The following CSNK2A1 variants were observed in gnomAD, a reference collection of about 807,000 sequenced individuals.
CSNK2A1 encodes casein kinase II subunit alpha.
In CSNK2A1, 10 loss-of-function variants were observed where a neutral mutation model predicts 62.9. The ratio of observed to expected loss-of-function variants is 0.16; its 90% CI spans 0.10 to 0.27. CSNK2A1 has a LOEUF of 0.27. CSNK2A1 is among the 10% of genes least tolerant of loss of function. CSNK2A1 has a pLI of 1.00. For missense variants in CSNK2A1, 160 were observed against 492.0 expected (o/e 0.33, Z 6.38); for synonymous variants, 124 against 167.8 (o/e 0.74, Z 2.02).
chr20:476,515 C>A lies in CSNK2A1; in HGVS notation c.*7446G>T, dbSNP rs111270834. On this transcript the variant is annotated 3_prime_UTR_variant, in exon 14 of 14. Transcript: ENST00000217244. Reference sequence around the variant, plus strand: ...CCTCAGGTGATCCACTCGCCTTGGTCTCCCAAAGTGTTGGATTACAGGCGT... The same window carrying A: ...CCTCAGGTGATCCACTCGCCTTGGTATCCCAAAGTGTTGGATTACAGGCGT... 10,502 of 152,268 alleles carry A rather than the reference C, an allele frequency of 0.069. 391 individuals are homozygous for A. The highest frequency in any genetic ancestry group is 0.13 in the South Asian group (649 of 4,828). 9.4% of individuals were successfully genotyped at this position (152,268 alleles called of 1,614,324 possible).
chr20:505,322 AAGAAG>A, intron 3 of CSNK2A1, 93 bp from the exon 4 acceptor site: 1 of 884,264 alleles, frequency 1.1e-6, no homozygotes, highest in Non-Finnish European at 1.7e-6. Flanking sequence ...TAATAGAAAT[AAGAAG>A]TATTTCAAAC....
chr20:503,698 G>A (rs2018515879), intron 4 of CSNK2A1: 8 of 398,466 alleles, frequency 2.0e-5, no homozygotes, highest in Non-Finnish European at 2.7e-5. Context: ...AGCAAGTACT[G>A]CACAAAAATC....
intron 8 of CSNK2A1, among the ~76,000 whole-genome samples, chr20:493,953 CATA>C (rs1432665609): frequency 1.3e-5 from 2 of 151,662 alleles, no homozygotes; most frequent in South Asian, 2.1e-4. Context: ...AATACTACTT[CATA>C]ATAATATTAT....
intron 3 of CSNK2A1, chr20:506,901 A>G (rs1486719715): frequency 6.6e-6 from 1 of 152,212 alleles, no homozygotes; most frequent in Admixed American, 6.5e-5. Context: ...CAAAGCACTC[A>G]ATTTGAAGAT....
At chr20:527,699 CTTTGA>C (rs1600410918) in intron 2 of CSNK2A1, among the ~76,000 whole-genome samples, 2 of 151,502 alleles carry the variant, frequency 1.3e-5, no homozygotes, top group East Asian at 4.0e-4. Context: ...AGTACTTGGA[CTTTGA>C]TTTATTTCTC....
Position 481,333 on chromosome 20 carries a change from G to A in CSNK2A1, c.*2628C>T, listed in dbSNP as rs946516662. On this transcript the variant is annotated 3_prime_UTR_variant, in exon 14 of 14. Transcript: ENST00000217244. ...CTTTAAAAAATCTTTCAGAGTAATTGCCAACATAACCTTTCATGTTGGCCA... is the reference window on the plus strand; with the variant it reads ...CTTTAAAAAATCTTTCAGAGTAATTACCAACATAACCTTTCATGTTGGCCA... 4 of 152,008 alleles carry A rather than the reference G, an allele frequency of 2.6e-5. No homozygotes were observed. Among genetic ancestry groups the A allele is most frequent in the African/African-American group, 9.7e-5 (4 of 41,394 alleles). The allele number at this position is 152,008 out of a possible 1,614,324, so 9.4% of individuals were successfully genotyped here.
chr20:487,721 C>T (rs1029523893), intron 11 of CSNK2A1, 146 bp from the exon 12 acceptor site: 1 of 1,068,146 alleles, frequency 9.4e-7, no homozygotes, highest in African/African-American at 1.6e-5. Flanking sequence ...CACCGCTCTG[C>T]CACTGAGTGG....
intron 2 of CSNK2A1, among the ~76,000 whole-genome samples, chr20:522,221 C>A (rs1470874298): frequency 6.6e-6 from 1 of 152,202 alleles, no homozygotes; most frequent in Non-Finnish European, 1.5e-5. Flanking sequence ...AAATTTCTCC[C>A]TTTCCATGCT....
intron 13 of CSNK2A1, 50 bp downstream of exon 13, chr20:486,326 C>T: frequency 1.2e-6 from 2 of 1,604,554 alleles, no homozygotes; most frequent in Non-Finnish European, 1.7e-6. Flanking sequence ...AAGCTAAGAA[C>T]AGTAATTGAC....
intron 1 of CSNK2A1, among the ~76,000 whole-genome samples, chr20:534,311 A>G (rs914122165): frequency 2.0e-5 from 3 of 152,238 alleles, no homozygotes; most frequent in East Asian, 1.9e-4. Flanking sequence ...CCAAAACACT[A>G]TAATAAAATG....
rs761639837 is a variant in CSNK2A1, at chr20:481,350, T to C, written c.*2611A>G. 47 of 152,116 alleles carry C rather than the reference T, an allele frequency of 3.1e-4. No individual in the cohort carries two copies. Among genetic ancestry groups the C allele is most frequent in the Admixed American group, 1.8e-3 (28 of 15,272 alleles). The allele number at this position is 152,116 out of a possible 1,614,324, so 9.4% of individuals were successfully genotyped here. The stretch of plus-strand genomic sequence containing the variant: ...GAGTAATTGCCAACATAACCTTTCA[T>C]GTTGGCCATTCCATTTCCTGCCATC... On this transcript the variant is annotated 3_prime_UTR_variant, in exon 14 of 14. Transcript: ENST00000217244.
At chr20:488,852 A>T (rs1343502467) in intron 10 of CSNK2A1, 74 bp from the exon 11 acceptor site, 1 of 1,377,792 alleles carries the variant, frequency 7.3e-7, no homozygotes, top group East Asian at 2.3e-5. Flanking sequence ...ACAATGATTG[A>T]ATTTACATAA....
intron 2 of CSNK2A1, among the ~76,000 whole-genome samples, chr20:523,016 G>C (rs1251060966): frequency 2.0e-5 from 3 of 152,190 alleles, no homozygotes; most frequent in Non-Finnish European, 4.4e-5. Flanking sequence ...GTTATGGCAA[G>C]ATGTGAACAT....
At position 508,533 on chromosome 20, in the gene CSNK2A1, T is replaced by C; in HGVS notation, c.19A>G (p.Ser7Gly). Reference protein sequence around the residue: MSGPVPSRARVYTDVNT... With the variant: MSGPVPGRARVYTDVNT... ...ACATCTGTGTAAACTCTGGCCCTGC[T>C]TGGCACGGGTCCCGACATGTCAGAC... is the stretch of plus-strand genomic sequence containing the variant. Residue 7 changes from serine (S) to glycine (G), a missense_variant, in exon 3 of 14, where the codon AGC (serine) becomes GGC (glycine). Physicochemically the swap from Ser to Gly is moderately conservative, Grantham distance 56. Coordinates refer to ENST00000217244, the MANE Select transcript of CSNK2A1 (RefSeq NM_177559.3). The C allele has an allele frequency of 6.2e-7, 1 of 1,613,974 alleles. No homozygotes were observed. The highest frequency in any genetic ancestry group is 8.5e-7 in the Non-Finnish European group (1 of 1,179,922).
intron 1 of CSNK2A1, chr20:539,123 C>T (rs1049177550): frequency 6.6e-6 from 1 of 152,154 alleles, no homozygotes; most frequent in Non-Finnish European, 1.5e-5. Flanking sequence ...ATAAAACCAG[C>T]AAAACCCCTG....
chr20:486,492 GT>G, intron 12 of CSNK2A1, 30 bp from the exon 13 acceptor site: 1 of 1,610,634 alleles, frequency 6.2e-7, no homozygotes, highest in Middle Eastern at 1.7e-4. Context: ...GCTAGGTTCT[GT>G]TTTGCTTGAA....
chr20:543,757 C>G lies in CSNK2A1; in HGVS notation c.-312G>C, dbSNP rs952590113. 1 of 398,348 alleles carries G rather than the reference C, an allele frequency of 2.5e-6. No individual in the cohort carries two copies. Among genetic ancestry groups the G allele is most frequent in the Non-Finnish European group, 4.4e-6 (1 of 225,984 alleles). The allele number at this position is 398,348 out of a possible 1,614,324, so 24.7% of individuals were successfully genotyped here. ...CGGCGATGGAGGAGGAGACACACGG[C>G]TCGGCCGCCAGCCGCAGGGACCAGA... On this transcript the variant is annotated 5_prime_UTR_variant, in exon 1 of 14. Transcript: ENST00000217244.
chr20:528,396 G>T (rs1357319520), intron 1 of CSNK2A1, among the ~76,000 whole-genome samples: 1 of 152,120 alleles, frequency 6.6e-6, no homozygotes, highest in African/African-American at 2.4e-5. Context: ...CAATTCTGAA[G>T]ATATTATGTG....
At chr20:493,140 G>A (rs938755853) in intron 8 of CSNK2A1, among the ~76,000 whole-genome samples, 11 of 152,098 alleles carry the variant, frequency 7.2e-5, no homozygotes, top group Non-Finnish European at 1.0e-4. Flanking sequence ...CCCCCTGTTC[G>A]GTTAAAGGTG....
Sources: gnomAD v4.1 joint callset for allele counts (sites outside exome capture counted in the v4.1 genomes callset) on GRCh38, gnomAD v4.1.1 for gene constraint, MANE v1.5 for transcripts, NCBI Gene and HGNC (gene_info 2026-07-23, HGNC 2026-07-21) for gene names.